The following ELAC2 variants were observed in gnomAD, a reference collection of about 807,000 sequenced individuals.
ELAC2 encodes elaC ribonuclease Z 2.
ELAC2 carries 92 observed loss-of-function variants against 105.2 expected under a neutral mutation model. That is an observed-to-expected ratio of 0.87 (90% CI 0.74 to 1.04). The LOEUF (loss-of-function observed/expected upper bound fraction) is 1.04, where lower values mean the gene tolerates loss of function less well. Among genes scored for constraint, ELAC2 ranks in the 50% least tolerant of loss-of-function variants. The pLI, the probability that ELAC2 is intolerant of heterozygous loss-of-function variation, is 0.00. For synonymous variants in ELAC2, 468 were observed against 409.1 expected (o/e 1.14, Z -1.74); for missense variants, 1,099 against 1,071.7 (o/e 1.03, Z -0.36).
chr17:13,000,470 G>C (rs1035734220), intron 14 of ELAC2, 196 bp from the exon 15 acceptor site: 9 of 635,478 alleles, frequency 1.4e-5, no homozygotes, highest in Admixed American at 1.1e-4. Flanking sequence ...CTCTGCCTCA[G>C]GGCCAGTCAA....
intron 15 of ELAC2, among the ~76,000 whole-genome samples, chr17:12,998,885 G>A (rs2143582050): frequency 6.6e-6 from 1 of 152,324 alleles, no homozygotes; most frequent in South Asian, 2.1e-4. Flanking sequence ...GATGCAGCAT[G>A]GAAGCCTTCA....
intron 8 of ELAC2, among the ~76,000 whole-genome samples, chr17:13,007,548 G>T (rs2041177997): frequency 6.6e-6 from 1 of 152,178 alleles, no homozygotes; most frequent in South Asian, 2.1e-4. Context: ...CACCCAAACG[G>T]GTTTGAGGAT....
chr17:13,007,065 C>T (rs1042078195), intron 8 of ELAC2, among the ~76,000 whole-genome samples: 46 of 151,094 alleles, frequency 3.0e-4, no homozygotes, highest in Middle Eastern at 3.5e-3. Context: ...GACCCGAGAT[C>T]GTGCCACTGC....
intron 1 of ELAC2, 131 bp from the exon 2 acceptor site, chr17:13,017,252 A>C: frequency 8.2e-6 from 8 of 973,852 alleles, no homozygotes; most frequent in South Asian, 1.4e-5. Context: ...ACGTTGGACT[A>C]CCGAGCCACA....
At chr17:13,002,913 G>A (rs1018136763) in intron 12 of ELAC2, among the ~76,000 whole-genome samples, 7 of 152,114 alleles carry the variant, frequency 4.6e-5, no homozygotes, top group Non-Finnish European at 8.8e-5. Context: ...GCAGGTAAAC[G>A]GGCCATGTGG....
chr17:13,004,244 A>G (rs753775797), intron 11 of ELAC2: 1 of 157,308 alleles, frequency 6.4e-6, no homozygotes, highest in Admixed American at 6.1e-5. Context: ...CGGGGCTACC[A>G]GCGCATCCAA....
chr17:13,011,924 T>A, intron 6 of ELAC2, 142 bp from the exon 7 acceptor site: 1 of 1,350,964 alleles, frequency 7.4e-7, no homozygotes. Context: ...ACTAGTTAGT[T>A]AACTTCCTAC....
intron 6 of ELAC2, 139 bp downstream of exon 6, chr17:13,013,068 T>A: frequency 1.1e-6 from 1 of 938,470 alleles, no homozygotes; most frequent in Admixed American, 2.0e-5. Context: ...CATATCTTCA[T>A]TCCTCAACTA....
intron 8 of ELAC2, chr17:13,006,223 G>GC: frequency 2.1e-6 from 1 of 475,456 alleles, no homozygotes; most frequent in Non-Finnish European, 3.8e-6. Context: ...ATACAAAATT[G>GC]GCCAGGCGTG....
chr17:13,009,119 A>G (rs1296740727), intron 8 of ELAC2, among the ~76,000 whole-genome samples: 1 of 152,232 alleles, frequency 6.6e-6, no homozygotes, highest in Non-Finnish European at 1.5e-5. Flanking sequence ...TTTGCTATCT[A>G]AAACTCAGAA....
intron 3 of ELAC2, 106 bp downstream of exon 3, chr17:13,016,745 CAAAAAAAAAAA>C: frequency 4.6e-6 from 3 of 648,562 alleles, no homozygotes; most frequent in Non-Finnish European, 7.0e-6. Context: ...ACGCCACTGA[CAAAAAAAAAAA>C]AAAAAAAAAA....
intron 16 of ELAC2, 67 bp downstream of exon 16, chr17:12,998,345 G>T: frequency 6.9e-7 from 1 of 1,449,530 alleles, no homozygotes; most frequent in Non-Finnish European, 9.7e-7. Context: ...GGTGAGTACA[G>T]CAGGACTTTT....
chr17:12,996,293 A>G (rs2040466348), intron 17 of ELAC2: 1 of 647,938 alleles, frequency 1.5e-6, no homozygotes, highest in Non-Finnish European at 2.7e-6. Flanking sequence ...GCCGTGTGAG[A>G]TTCAAGACTC....
rs2040711296 is a variant in ELAC2, at chr17:13,000,259, A to C, written c.1320T>G (p.Thr440=). 6.2e-7 allele frequency: 1 copy of C among 1,613,948 alleles called. No homozygotes were observed. Among genetic ancestry groups the C allele is most frequent in the Admixed American group, 1.7e-5 (1 of 60,002 alleles). Residue 440 remains threonine (T), a synonymous_variant, in exon 15 of 24, where the codon ACT becomes ACG. Transcript: ENST00000338034. ...CAACTATGAATTCCTCAGGATTGCA[A>C]GTAATAATGGCATCCCTGCAGGAAG... is the stretch of plus-strand genomic sequence containing the variant. ...RREWQRDAII[T]CNPEEFIVEA... is the part of the protein sequence containing the mutation.
At position 12,995,835 on chromosome 17, in the gene ELAC2, C is replaced by T. The variant is rs758533484; in HGVS notation, c.1699-23G>A. 25 of 1,595,778 alleles carry T rather than the reference C, an allele frequency of 1.6e-5. No individual in the cohort carries two copies. In the East Asian group the frequency reaches 3.6e-4, roughly 23 times the overall value. Reference sequence around the variant, plus strand: ...TGCCTGGAACAAAAAATGCAAGTGCCGACTCGACGACAGAACATCTCAATA... The same window carrying T: ...TGCCTGGAACAAAAAATGCAAGTGCTGACTCGACGACAGAACATCTCAATA... On this transcript the variant is annotated intron_variant, in intron 18 of 23. Coordinates refer to ENST00000338034, the MANE Select transcript of ELAC2 (RefSeq NM_018127.7).
chr17:12,996,240 A>G (rs1043254815), intron 17 of ELAC2: 1 of 627,248 alleles, frequency 1.6e-6, no homozygotes, highest in Non-Finnish European at 2.8e-6. Context: ...TGAGGGTCTC[A>G]TAGCCACACC....
At chr17:13,000,786 C>T (rs1043795648) in intron 14 of ELAC2, 1 of 186,446 alleles carries the variant, frequency 5.4e-6, no homozygotes, top group Non-Finnish European at 1.1e-5. Context: ...TAGCAAGCCC[C>T]AGATCACACG....
Position 13,017,373 on chromosome 17 carries a change from C to T in ELAC2, c.246-252G>A, listed in dbSNP as rs146630422. The T allele has an allele frequency of 1.4e-4, 86 of 625,452 alleles. No homozygotes were observed. In the East Asian group the frequency reaches 2.3e-3, roughly 17 times the overall value. The allele number at this position is 625,452 out of a possible 1,614,324, so 38.7% of individuals were successfully genotyped here. On this transcript the variant is annotated intron_variant, in intron 1 of 23. Coordinates refer to ENST00000338034, the MANE Select transcript of ELAC2 (RefSeq NM_018127.7). Reference sequence around the variant, plus strand: ...CCTTTCTCCACCACCGGCTACACACCAGATCTGTCCACCCCACACGCTAAC... The same window carrying T: ...CCTTTCTCCACCACCGGCTACACACTAGATCTGTCCACCCCACACGCTAAC...
chr17:13,003,587 G>A lies in ELAC2; in HGVS notation c.984-13C>T, dbSNP rs765647105. 1 of 1,612,472 alleles carries A rather than the reference G, an allele frequency of 6.2e-7. No homozygotes were observed. The highest frequency in any genetic ancestry group is 8.5e-7 in the Non-Finnish European group (1 of 1,178,484). On this transcript the variant is annotated splice_polypyrimidine_tract_variant and intron_variant, in intron 11 of 23. Coordinates refer to ENST00000338034, the MANE Select transcript of ELAC2 (RefSeq NM_018127.7). ...CTTTCCTTGGTACCTGGGCAGAAGA[G>A]TGGGGCTTTACAAAGTGATGCAGAC...
Sources: allele counts gnomAD v4.1 joint callset (sites outside exome capture counted in the v4.1 genomes callset), GRCh38; gene constraint gnomAD v4.1.1; transcripts MANE v1.5; gene names NCBI Gene and HGNC (gene_info 2026-07-23, HGNC 2026-07-21).